The following MINAR1 variants were observed in gnomAD, a reference collection of about 807,000 sequenced individuals.
The protein encoded by MINAR1 is membrane integral NOTCH2 associated receptor 1, also known as major intrinsically disordered Notch2-binding receptor 1.
In MINAR1, 40 loss-of-function variants were observed where a neutral mutation model predicts 65.1. The observed-to-expected ratio is 0.61, with a 90% CI of 0.48 to 0.80. MINAR1 has a LOEUF of 0.80. MINAR1 is among the 30% of genes least tolerant of loss of function. The pLI is 0.00. For missense variants in MINAR1, 1,128 were observed against 1,148.0 expected (o/e 0.98, Z 0.25); for synonymous variants, 482 against 449.1 (o/e 1.07, Z -0.93).
chr15:79,466,687 AG>A (rs1202707248), intron 3 of MINAR1, among the ~76,000 whole-genome samples: 4 of 152,214 alleles, frequency 2.6e-5, no homozygotes, highest in African/African-American at 4.8e-5. Context: ...ATAAAGCCTG[AG>A]GGGTGCAGGG....
the MINAR1 span, chr15:79,414,448 G>C: frequency 6.6e-6 from 1 of 152,246 alleles, no homozygotes; most frequent in Non-Finnish European, 1.5e-5. Context: ...GTACAGAAAA[G>C]TAGTGATGTG....
At chr15:79,458,482 C>T in intron 2 of MINAR1, 37 bp downstream of exon 2, 1 of 1,588,690 alleles carries the variant, frequency 6.3e-7, no homozygotes, top group Non-Finnish European at 8.6e-7. Context: ...CGGGCACCAG[C>T]TTCATCATAG....
chr15:79,421,691 G>A, the MINAR1 span: 1 of 152,280 alleles, frequency 6.6e-6, no homozygotes, highest in Non-Finnish European at 1.5e-5. Context: ...TGGAGTAAGT[G>A]AATGAGGGAG....
At position 79,457,629 on chromosome 15, in the gene MINAR1, T is replaced by C. The variant is rs1334023545; in HGVS notation, c.1482T>C (p.Gly494=). ...PKKCRDLCTS[G]QGKYSDRHTM... is the part of the protein sequence containing the mutation. Reference sequence around the variant, plus strand: ...AATGCAGAGACCTGTGCACCTCTGGTCAGGGCAAGTACAGTGACAGGCACA... The same window carrying C: ...AATGCAGAGACCTGTGCACCTCTGGCCAGGGCAAGTACAGTGACAGGCACA... Residue 494 remains glycine (G), a synonymous_variant, in exon 2 of 4, where the codon GGT becomes GGC. Coordinates refer to ENST00000305428, the MANE Select transcript of MINAR1 (RefSeq NM_015206.3). The C allele has an allele frequency of 1.9e-6, 3 of 1,614,082 alleles. No individual in the cohort carries two copies. Among genetic ancestry groups the C allele is most frequent in the South Asian group, 2.2e-5 (2 of 91,074 alleles).
At chr15:79,448,360 G>A (rs1035689291) in intron 1 of MINAR1, among the ~76,000 whole-genome samples, 1 of 152,174 alleles carries the variant, frequency 6.6e-6, no homozygotes, top group Non-Finnish European at 1.5e-5. Flanking sequence ...CTATCTCTGG[G>A]AGAGAAAGTG....
At chr15:79,467,608 G>A (rs1309653119) in intron 3 of MINAR1, among the ~76,000 whole-genome samples, 1 of 152,218 alleles carries the variant, frequency 6.6e-6, no homozygotes. Context: ...CTGCCATGGG[G>A]TTGGTAGACC....
rs374800681 is a variant in MINAR1, at chr15:79,456,712, G to T, written c.565G>T (p.Ala189Ser). The change falls in exon 2 of 4, where the codon GCC becomes TCC. Residue 189 changes from alanine (A) to serine (S), a missense_variant. Coordinates refer to ENST00000305428, the MANE Select transcript of MINAR1 (RefSeq NM_015206.3). ...AGTTAGCAAAGAGGTGAAAAACCGC[G>T]CCGCTTCCCTGGACAGGTTGCAGGC... ...LGVSKEVKNR[A>S]ASLDRLQALA... 1.2e-6 allele frequency: 2 copies of T among 1,614,140 alleles called. No homozygotes were observed. The highest frequency in any genetic ancestry group is 3.3e-5 in the Admixed American group (2 of 60,026).
chr15:79,427,720 A>T (rs1894345134), upstream of MINAR1, among the ~76,000 whole-genome samples: 1 of 152,210 alleles, frequency 6.6e-6, no homozygotes, highest in South Asian at 2.1e-4. Context: ...GATCTCTGAG[A>T]TTTATTTGTG....
chr15:79,457,567 G>A lies in MINAR1; in HGVS notation c.1420G>A (p.Val474Met), dbSNP rs147416682. The change falls in exon 2 of 4, where the codon GTG becomes ATG. Residue 474 changes from valine (V) to methionine (M), a missense_variant. Physicochemically the swap from Val to Met is conservative, Grantham distance 21 (BLOSUM62 1). Coordinates refer to ENST00000305428, the MANE Select transcript of MINAR1 (RefSeq NM_015206.3). Reference sequence around the variant, plus strand: ...GCAGCTCAGCTCAGACACCAGTAGCGTGGGCACCCAGACTGAGCACGTGCT... The same window carrying A: ...GCAGCTCAGCTCAGACACCAGTAGCATGGGCACCCAGACTGAGCACGTGCT... ...SGQLSSDTSS[V>M]GTQTEHVLEP... is the part of the protein sequence containing the mutation. 36 of 1,614,062 alleles carry A rather than the reference G, an allele frequency of 2.2e-5. No individual in the cohort carries two copies. The highest frequency in any genetic ancestry group is 8.9e-5 in the East Asian group (4 of 44,894).
the MINAR1 span, chr15:79,420,290 A>G: frequency 2.0e-5 from 3 of 152,232 alleles, no homozygotes; most frequent in Non-Finnish European, 4.4e-5. Flanking sequence ...TAATTTGCCT[A>G]CATCATTAGG....
chr15:79,435,217 G>A (rs1208168213), intron 1 of MINAR1, among the ~76,000 whole-genome samples: 1 of 151,742 alleles, frequency 6.6e-6, no homozygotes, highest in Non-Finnish European at 1.5e-5. Flanking sequence ...CAGAGGTTGC[G>A]GTGAGCCGAG....
In MINAR1 at chr15:79,456,858, C is replaced by A. The variant is rs754178578; in HGVS notation, c.711C>A (p.Ile237=). ...DQDSLPINQS[I]KETFISNEEP... is the part of the protein sequence containing the mutation. Reference sequence around the variant, plus strand: ...ACTCCCTGCCCATCAATCAGAGCATCAAGGAGACCTTCATTTCCAATGAGG... The same window carrying A: ...ACTCCCTGCCCATCAATCAGAGCATAAAGGAGACCTTCATTTCCAATGAGG... Residue 237 remains isoleucine, a synonymous_variant, in exon 2 of 4, where the codon ATC becomes ATA. Transcript: ENST00000305428. 1 of 1,614,186 alleles carries A rather than the reference C, an allele frequency of 6.2e-7. No individual in the cohort carries two copies. The highest frequency in any genetic ancestry group is 1.1e-5 in the South Asian group (1 of 91,072).
intron 1 of MINAR1, among the ~76,000 whole-genome samples, chr15:79,448,114 T>C (rs1197939489): frequency 6.6e-6 from 1 of 152,224 alleles, no homozygotes; most frequent in Non-Finnish European, 1.5e-5. Context: ...GTTATGCCCG[T>C]TAAGAAAAAA....
chr15:79,464,772 A>G (rs1322991467), intron 3 of MINAR1, among the ~76,000 whole-genome samples: 1 of 152,178 alleles, frequency 6.6e-6, no homozygotes, highest in Non-Finnish European at 1.5e-5. Context: ...TACCTCATGC[A>G]TGTTACATTC....
In MINAR1 at chr15:79,458,079, A is replaced by T. The variant is rs760038354; in HGVS notation, c.1932A>T (p.Ile644=). ...MQQPEKVSVQ[I]DLNSLTSEGP... is the part of the protein sequence containing the mutation. ...AGCCTGAGAAGGTGAGTGTGCAGAT[A>T]GATCTGAACTCCTTGACAAGCGAGG... The change falls in exon 2 of 4, where the codon ATA becomes ATT. Residue 644 remains isoleucine, a synonymous_variant. Transcript: ENST00000305428. The T allele has an allele frequency of 1.2e-6, 2 of 1,614,214 alleles. No individual in the cohort carries two copies. The highest frequency in any genetic ancestry group is 2.2e-5 in the South Asian group (2 of 91,082).
chr15:79,426,734 G>A, the MINAR1 span: 3 of 152,200 alleles, frequency 2.0e-5, no homozygotes, highest in Admixed American at 6.5e-5. Context: ...ACTCAAGGAA[G>A]CTCCTAGACA....
Position 79,456,332 on chromosome 15 carries a change from C to G in MINAR1, c.185C>G (p.Ala62Gly), listed in dbSNP as rs764918359. The change falls in exon 2 of 4, where the codon GCC (alanine) becomes GGC (glycine). Residue 62 changes from alanine to glycine, a missense_variant. Coordinates refer to ENST00000305428, the MANE Select transcript of MINAR1 (RefSeq NM_015206.3). ...YTACLDPNFP[A>G]TLFKDKMKCT... The stretch of plus-strand genomic sequence containing the variant: ...GCTTGTCTCGATCCCAATTTTCCAG[C>G]CACGCTATTCAAAGACAAGATGAAA... The G allele has an allele frequency of 6.2e-7, 1 of 1,614,080 alleles. No individual in the cohort carries two copies. The highest frequency in any genetic ancestry group is 1.3e-5 in the African/African-American group (1 of 74,928).
chr15:79,468,377 AATC>A lies in MINAR1; in HGVS notation c.2747_2749del (p.Ser916del). The A allele has an allele frequency of 6.2e-7, 1 of 1,613,842 alleles. No homozygotes were observed. The highest frequency in any genetic ancestry group is 2.2e-5 in the East Asian group (1 of 44,880). Reference sequence around the variant, plus strand: ...ATTGTCGTGCCCATCTGCACAATGAAATCATGAGCTAAGAATGCAACCTTACGT... The same window carrying A: ...ATTGTCGTGCCCATCTGCACAATGAAATGAGCTAAGAATGCAACCTTACGT... On this transcript the variant is annotated inframe_deletion, in exon 4 of 4. Transcript: ENST00000305428.
chr15:79,414,373 C>G, the MINAR1 span: 1 of 152,232 alleles, frequency 6.6e-6, no homozygotes, highest in African/African-American at 2.4e-5. Context: ...TTTCTATTCC[C>G]ATGAACATGG....
Sources: allele counts gnomAD v4.1 joint callset (sites outside exome capture counted in the v4.1 genomes callset), GRCh38; gene constraint gnomAD v4.1.1; transcripts MANE v1.5; gene names NCBI Gene and HGNC (gene_info 2026-07-23, HGNC 2026-07-21).